PARD3: variants seen among roughly 807,000 people sequenced by gnomAD.
PARD3 encodes par-3 family cell polarity regulator, also known as partitioning defective 3 homolog.
In PARD3, 75 loss-of-function variants were observed where a neutral mutation model predicts 155.4. The observed-to-expected ratio is 0.48, with a 90% CI of 0.40 to 0.58. The LOEUF (loss-of-function observed/expected upper bound fraction) is 0.58, where lower values mean the gene tolerates loss of function less well. PARD3 is among the 20% of genes least tolerant of loss of function. The pLI is 0.00. For missense variants in PARD3, 1,642 were observed against 1,721.7 expected (o/e 0.95, Z 0.82); for synonymous variants, 576 against 610.5 (o/e 0.94, Z 0.83).
chr10:34,474,573 A>T (rs2078582318), intron 3 of PARD3, among the ~76,000 whole-genome samples: 1 of 152,184 alleles, frequency 6.6e-6, no homozygotes. Context: ...GGGATCTGAA[A>T]TTTTTTTATT....
intron 22 of PARD3, among the ~76,000 whole-genome samples, chr10:34,265,688 G>A (rs1955265305): frequency 6.6e-6 from 1 of 152,154 alleles, no homozygotes; most frequent in Admixed American, 6.5e-5. Flanking sequence ...TTTCAAAAAC[G>A]TTAGTATAAG....
intron 2 of PARD3, among the ~76,000 whole-genome samples, chr10:34,621,938 G>A (rs765140405): frequency 1.3e-5 from 2 of 152,126 alleles, no homozygotes; most frequent in African/African-American, 2.4e-5. Flanking sequence ...CATGTAAGTT[G>A]AAGAAAAAGA....
intron 2 of PARD3, among the ~76,000 whole-genome samples, chr10:34,693,769 T>C (rs990484967): frequency 6.6e-6 from 1 of 152,196 alleles, no homozygotes; most frequent in African/African-American, 2.4e-5. Flanking sequence ...AGGTTGAGGC[T>C]GCAGTGAGCT....
intron 1 of PARD3, among the ~76,000 whole-genome samples, chr10:34,714,050 C>A (rs2094484245): frequency 6.6e-6 from 1 of 152,166 alleles, no homozygotes; most frequent in East Asian, 1.9e-4. Flanking sequence ...TTCTCCCTAG[C>A]AAACAAGAGA....
At chr10:34,617,851 A>G (rs2091366440) in intron 2 of PARD3, among the ~76,000 whole-genome samples, 1 of 152,202 alleles carries the variant, frequency 6.6e-6, no homozygotes, top group African/African-American at 2.4e-5. Flanking sequence ...AGAGAGATCA[A>G]AATTATACAT....
intron 2 of PARD3, among the ~76,000 whole-genome samples, chr10:34,665,350 GA>G (rs1236597755): frequency 3.4e-5 from 4 of 118,264 alleles, no homozygotes; most frequent in Non-Finnish European, 6.6e-5. Context: ...TGTATCTGCT[GA>G]AAAAAACAAA....
chr10:34,370,807 GGTGTGTGTGTGTGTGTGTGTGT>G lies in PARD3; in HGVS notation c.1707+1669_1707+1690del, dbSNP rs3040369. Among the ~76,000 whole-genome samples, 742 of 145,670 alleles carry G rather than the reference GGTGTGTGTGTGTGTGTGTGTGT, an allele frequency of 5.1e-3. 3 individuals are homozygous for G. Among genetic ancestry groups the G allele is most frequent in the African/African-American group, 0.018 (710 of 39,482 alleles). ...TATTTCATGGTACAGATACAAATGG[GGTGTGTGTGTGTGTGTGTGTGT>G]GTGTGTGTGTGTGTGTGTAAATGAC... On this transcript the variant is annotated intron_variant, in intron 12 of 24. Coordinates refer to ENST00000374788, the MANE Select transcript of PARD3 (RefSeq NM_001184785.2).
rs34751073 is a variant in PARD3 at position 34,716,585 on chromosome 10, CTTTTTTTTTTT to C, written c.121-20177_121-20167del. Among the ~76,000 whole-genome samples the C allele has an allele frequency of 1.1e-4, 8 of 73,246 alleles. 1 individual carries two copies. Among genetic ancestry groups the C allele is most frequent in the African/African-American group, 1.4e-4 (3 of 20,698 alleles). The allele number at this position is 73,246 out of a possible 152,430, so 48.1% of individuals were successfully genotyped here. Reference sequence around the variant, plus strand: ...CTACGTGTGGCCCAGGATGGCTTTTCTTTTTTTTTTTTTTTTTTTTTTTTGAGACAGAGTTT... The same window carrying C: ...CTACGTGTGGCCCAGGATGGCTTTTCTTTTTTTTTTTTTGAGACAGAGTTT... On this transcript the variant is annotated intron_variant, in intron 1 of 24. Transcript: ENST00000374788.
At chr10:34,145,221 A>ATATATATATTTTTTTTTTTT (rs1491430560) in intron 22 of PARD3, among the ~76,000 whole-genome samples, 1 of 33,972 alleles carries the variant, frequency 2.9e-5, no homozygotes, top group African/African-American at 1.4e-4. Context: ...ATATATATAT[A>ATATATATATTTTTTTTTTTT]TTTTTTTTTT....
intron 1 of PARD3, among the ~76,000 whole-genome samples, chr10:34,733,009 CA>C (rs2133825508): frequency 6.6e-6 from 1 of 152,260 alleles, no homozygotes; most frequent in East Asian, 1.9e-4. Context: ...CCCCACCTCC[CA>C]CCCTCTCTTT....
intron 4 of PARD3, among the ~76,000 whole-genome samples, chr10:34,468,838 A>G (rs1331112508): frequency 6.6e-6 from 1 of 152,260 alleles, no homozygotes; most frequent in East Asian, 1.9e-4. Flanking sequence ...TATTTAAAAC[A>G]GGTATTTTTA....
At chr10:34,699,397 A>C (rs2094232770) in intron 1 of PARD3, among the ~76,000 whole-genome samples, 1 of 152,322 alleles carries the variant, frequency 6.6e-6, no homozygotes, top group South Asian at 2.1e-4. Flanking sequence ...GAGTTTAAAA[A>C]CCAGGAAGGA....
chr10:34,684,816 CACACACACACACACAT>C (rs1241386364), intron 2 of PARD3, among the ~76,000 whole-genome samples: 8 of 111,244 alleles, frequency 7.2e-5, no homozygotes, highest in African/African-American at 1.2e-4. Context: ...CACACACACA[CACACACACACACACAT>C]ATATACACAC....
At chr10:34,447,116 C>T (rs2076778645) in intron 5 of PARD3, among the ~76,000 whole-genome samples, 1 of 152,140 alleles carries the variant, frequency 6.6e-6, no homozygotes, top group South Asian at 2.1e-4. Flanking sequence ...CAGCATCACT[C>T]ATCACCAGGG....
intron 12 of PARD3, among the ~76,000 whole-genome samples, chr10:34,364,324 A>G (rs1160210416): frequency 6.6e-6 from 1 of 152,214 alleles, no homozygotes; most frequent in African/African-American, 2.4e-5. Flanking sequence ...TGAGCTCAAT[A>G]GCCGATTTTT....
chr10:34,536,974 T>G (rs1303935718), intron 2 of PARD3, among the ~76,000 whole-genome samples: 1 of 152,164 alleles, frequency 6.6e-6, no homozygotes, highest in Non-Finnish European at 1.5e-5. Context: ...GGGGTCAAAG[T>G]TAGAAATATA....
In PARD3 at chr10:34,814,857, C is replaced by G; in HGVS notation, c.120+19G>C. The stretch of plus-strand genomic sequence containing the variant: ...TCCCCGCCGCCGCCCCCTCCCCGCC[C>G]GCGCCCCCGGCCCCTCACCTTGGCG... On this transcript the variant is annotated intron_variant, in intron 1 of 24. Transcript: ENST00000374788. 1.4e-6 allele frequency: 2 copies of G among 1,474,250 alleles called. No individual in the cohort carries two copies. The highest frequency in any genetic ancestry group is 1.8e-6 in the Non-Finnish European group (2 of 1,098,732). The allele number at this position is 1,474,250 out of a possible 1,614,324, so 91.3% of individuals were successfully genotyped here.
intron 2 of PARD3, among the ~76,000 whole-genome samples, chr10:34,652,020 C>G (rs1273556300): frequency 6.6e-6 from 1 of 152,192 alleles, no homozygotes; most frequent in Non-Finnish European, 1.5e-5. Context: ...CTGACCCACA[C>G]GGCCAGCATT....
chr10:34,501,759 T>A (rs1360358057), intron 3 of PARD3, among the ~76,000 whole-genome samples: 2 of 147,564 alleles, frequency 1.4e-5, no homozygotes, highest in African/African-American at 2.5e-5. Flanking sequence ...GATGTCTACA[T>A]CTTAATCCCT....
Sources: allele counts gnomAD v4.1 joint callset (sites outside exome capture counted in the v4.1 genomes callset), GRCh38; gene constraint gnomAD v4.1.1; transcripts MANE v1.5; gene names NCBI Gene and HGNC (gene_info 2026-07-23, HGNC 2026-07-21).